Variants in CDH12 observed in about 807,000 individuals in gnomAD.
The protein encoded by CDH12 is cadherin 12, also known as cadherin-12.
A neutral mutation model predicts 74.1 loss-of-function variants in CDH12; 41 were observed. The ratio of observed to expected loss-of-function variants is 0.55; its 90% CI spans 0.43 to 0.72. The LOEUF (loss-of-function observed/expected upper bound fraction) is 0.72, where lower values mean the gene tolerates loss of function less well. Ranked by LOEUF, CDH12 falls within the 30% of genes least tolerant of loss-of-function variation. The pLI, the probability that CDH12 is intolerant of heterozygous loss-of-function variation, is 0.00. For synonymous variants in CDH12, 399 were observed against 355.0 expected (o/e 1.12, Z -1.39); for missense variants, 945 against 977.2 (o/e 0.97, Z 0.44).
chr5:22,123,824 A>G (rs906766167), intron 4 of CDH12, among the ~76,000 whole-genome samples: 1 of 152,202 alleles, frequency 6.6e-6, no homozygotes, highest in Non-Finnish European at 1.5e-5. Context: ...AAGGTCAACC[A>G]CATTAGGAAA....
chr5:22,034,845 A>T (rs1739063237), intron 5 of CDH12, among the ~76,000 whole-genome samples: 1 of 152,196 alleles, frequency 6.6e-6, no homozygotes, highest in Non-Finnish European at 1.5e-5. Context: ...GATATAAGTA[A>T]TTTGACAATA....
intron 11 of CDH12, among the ~76,000 whole-genome samples, chr5:21,766,254 T>G (rs2149877681): frequency 6.6e-6 from 1 of 152,184 alleles, no homozygotes; most frequent in South Asian, 2.1e-4. Flanking sequence ...AGCATTCTGA[T>G]ATTCACATAT....
At chr5:22,296,377 A>G (rs1482611848) in intron 3 of CDH12, among the ~76,000 whole-genome samples, 2 of 152,120 alleles carry the variant, frequency 1.3e-5, no homozygotes, top group African/African-American at 2.4e-5. Flanking sequence ...ATGCTAATAT[A>G]TGTCTCTAGT....
At chr5:22,480,458 C>G (rs1746343001) in intron 2 of CDH12, among the ~76,000 whole-genome samples, 2 of 151,720 alleles carry the variant, frequency 1.3e-5, no homozygotes, top group African/African-American at 4.8e-5. Flanking sequence ...GTGGTGCATG[C>G]CTGTGGTCCC....
At chr5:22,575,663 C>G (rs1561501785) in intron 1 of CDH12, among the ~76,000 whole-genome samples, 1 of 152,088 alleles carries the variant, frequency 6.6e-6, no homozygotes, top group Non-Finnish European at 1.5e-5. Context: ...CTCCTGGGTT[C>G]AAGGGATTCA....
chr5:22,099,175 A>C (rs1190202049), intron 4 of CDH12, among the ~76,000 whole-genome samples: 1 of 152,204 alleles, frequency 6.6e-6, no homozygotes, highest in Middle Eastern at 3.4e-3. Flanking sequence ...GAAGGCCACC[A>C]CTGTCATTTC....
intron 6 of CDH12, among the ~76,000 whole-genome samples, chr5:21,893,646 G>A (rs533255527): frequency 6.6e-6 from 1 of 152,266 alleles, no homozygotes; most frequent in African/African-American, 2.4e-5. Context: ...AAAATGACAT[G>A]AGTGAAGTAA....
intron 6 of CDH12, among the ~76,000 whole-genome samples, chr5:21,918,863 T>G (rs1271685885): frequency 2.0e-5 from 3 of 152,314 alleles, no homozygotes; most frequent in Non-Finnish European, 4.4e-5. Flanking sequence ...AAATTAAAAT[T>G]GTATAAATTT....
chr5:22,828,920 A>G (rs1736457498), intron 1 of CDH12, among the ~76,000 whole-genome samples: 1 of 152,312 alleles, frequency 6.6e-6, no homozygotes, highest in Admixed American at 6.5e-5. Flanking sequence ...GATTACTCAC[A>G]TATGCTAATG....
intron 8 of CDH12, among the ~76,000 whole-genome samples, chr5:21,824,805 C>A (rs1748567856): frequency 6.6e-6 from 1 of 152,064 alleles, no homozygotes; most frequent in Non-Finnish European, 1.5e-5. Context: ...CAAAGAAATC[C>A]TCTGCACATA....
chr5:22,116,638 T>G (rs929733973), intron 4 of CDH12, among the ~76,000 whole-genome samples: 2 of 149,976 alleles, frequency 1.3e-5, no homozygotes, highest in Non-Finnish European at 3.0e-5. Context: ...AAGCCCCAGA[T>G]GAAAAGTGTA....
intron 6 of CDH12, among the ~76,000 whole-genome samples, chr5:21,918,169 TC>T (rs1754186922): frequency 6.6e-6 from 1 of 152,026 alleles, no homozygotes; most frequent in African/African-American, 2.4e-5. Context: ...GTTTCACTGT[TC>T]CTTAAAAATG....
intron 3 of CDH12, among the ~76,000 whole-genome samples, chr5:22,265,284 G>T (rs1753664909): frequency 6.6e-6 from 1 of 152,176 alleles, no homozygotes; most frequent in East Asian, 1.9e-4. Flanking sequence ...CTTTTAAGCA[G>T]AAATTATAGT....
At chr5:22,724,488 G>T (rs1342196937) in intron 1 of CDH12, among the ~76,000 whole-genome samples, 2 of 151,840 alleles carry the variant, frequency 1.3e-5, no homozygotes, top group Admixed American at 6.6e-5. Flanking sequence ...ATGACATTTA[G>T]TTTTCCATTC....
chr5:22,782,519 C>A (rs1160205910), intron 1 of CDH12, among the ~76,000 whole-genome samples: 3 of 152,098 alleles, frequency 2.0e-5, no homozygotes, highest in South Asian at 4.1e-4. Flanking sequence ...GCCTTCCCAG[C>A]CATGCAAAAC....
At chr5:22,348,176 A>G (rs1740204180) in intron 3 of CDH12, among the ~76,000 whole-genome samples, 1 of 152,180 alleles carries the variant, frequency 6.6e-6, no homozygotes, top group South Asian at 2.1e-4. Flanking sequence ...GGATCTGCAC[A>G]ATCCCTTCTG....
chr5:21,976,855 T>G (rs1757092492), intron 5 of CDH12, among the ~76,000 whole-genome samples: 2 of 152,074 alleles, frequency 1.3e-5, no homozygotes, highest in African/African-American at 4.8e-5. Flanking sequence ...CTGAAAATAT[T>G]TTAAATTATA....
chr5:21,775,658 T>C (rs931714016), intron 11 of CDH12, among the ~76,000 whole-genome samples: 6 of 152,182 alleles, frequency 3.9e-5, no homozygotes, highest in Non-Finnish European at 7.3e-5. Flanking sequence ...TTTTTTTTAA[T>C]ATTTTAAATC....
intron 6 of CDH12, among the ~76,000 whole-genome samples, chr5:21,894,458 A>G (rs753502922): frequency 1.3e-5 from 2 of 152,026 alleles, no homozygotes; most frequent in Non-Finnish European, 2.9e-5. Flanking sequence ...ATTTGATTAC[A>G]AATATACAAA....
Sources: gnomAD v4.1 joint callset for allele counts (sites outside exome capture counted in the v4.1 genomes callset) on GRCh38, gnomAD v4.1.1 for gene constraint, MANE v1.5 for transcripts, NCBI Gene and HGNC (gene_info 2026-07-23, HGNC 2026-07-21) for gene names.